Variants in BCAS3 observed in about 807,000 individuals in gnomAD.
The protein encoded by BCAS3 is BCAS4/BCAS3 fusion.
Under a neutral mutation model 116.1 loss-of-function variants are expected in BCAS3, and 53 were observed. The ratio of observed to expected loss-of-function variants is 0.46; its 90% CI spans 0.37 to 0.57. BCAS3 has a LOEUF of 0.57. Ranked by LOEUF, BCAS3 falls within the 20% of genes least tolerant of loss-of-function variation. The pLI is 0.00. For missense variants in BCAS3, 917 were observed against 1,165.4 expected, an observed-to-expected ratio of 0.79 and a Z score of 3.10; for synonymous variants, 391 against 408.2, an observed-to-expected ratio of 0.96 and a Z score of 0.51.
chr17:60,912,219 G>A (rs1489372472), intron 12 of BCAS3, among the ~76,000 whole-genome samples: 1 of 152,026 alleles, frequency 6.6e-6, no homozygotes, highest in African/African-American at 2.4e-5. Flanking sequence ...GAATGAGATA[G>A]GAGTAGGGCA....
At chr17:61,191,786 AAAAG>A (rs2080144229) in intron 22 of BCAS3, among the ~76,000 whole-genome samples, 2 of 142,222 alleles carry the variant, frequency 1.4e-5, no homozygotes, top group Admixed American at 6.8e-5. Context: ...AAAAAAAAAG[AAAAG>A]AAAAGAAAAG....
At chr17:61,242,853 A>AC (rs397725679) in intron 22 of BCAS3, among the ~76,000 whole-genome samples, 5 of 150,872 alleles carry the variant, frequency 3.3e-5, no homozygotes, top group African/African-American at 4.9e-5. Flanking sequence ...TTAAAAAAAA[A>AC]CAAAAAAACC....
chr17:61,122,760 C>G lies in BCAS3; in HGVS notation c.2425+38196C>G, dbSNP rs1239497973. Among the ~76,000 whole-genome samples, 1 of 152,070 alleles carries G rather than the reference C, an allele frequency of 6.6e-6. No individual in the cohort carries two copies. Among genetic ancestry groups the G allele is most frequent in the Non-Finnish European group, 1.5e-5 (1 of 68,008 alleles). ...AAAACCATCTCAGCAAAAATAAATT[C>G]AAGAATATGTATATATGATGTTCAT... On this transcript the variant is annotated intron_variant, in intron 22 of 23. Coordinates refer to ENST00000407086, the MANE Select transcript of BCAS3 (RefSeq NM_017679.5). This position sits in a 1 kb window ranked among gnomAD's most constrained non-coding sequence, Gnocchi z 4.6.
intron 13 of BCAS3, among the ~76,000 whole-genome samples, chr17:60,926,781 A>G (rs1429066037): frequency 2.0e-5 from 3 of 152,178 alleles, no homozygotes; most frequent in Admixed American, 2.0e-4. Context: ...TTTGCATTAT[A>G]AGAAGAACAT....
At chr17:61,116,165 G>C (rs866217168) in intron 22 of BCAS3, among the ~76,000 whole-genome samples, 1 of 151,606 alleles carries the variant, frequency 6.6e-6, no homozygotes, top group Admixed American at 6.6e-5. Flanking sequence ...TGGGTGCAGC[G>C]CACCAGCATG....
At chr17:61,360,267 A>G (rs1330310708) in intron 22 of BCAS3, among the ~76,000 whole-genome samples, 1 of 152,180 alleles carries the variant, frequency 6.6e-6, no homozygotes, top group African/African-American at 2.4e-5. Flanking sequence ...GGCCTCCCAA[A>G]GTGTTGGAAT....
In BCAS3 at chr17:61,392,748, G is replaced by GATCA. The variant is rs2060190034; in HGVS notation, c.*624_*627dup. The GATCA allele has an allele frequency of 6.6e-6, 1 of 152,348 alleles. No homozygotes were observed. Among genetic ancestry groups the GATCA allele is most frequent in the Non-Finnish European group, 1.5e-5 (1 of 68,180 alleles). The allele number at this position is 152,348 out of a possible 1,614,324, so 9.4% of individuals were successfully genotyped here. A position where few individuals can be genotyped will look rare whatever the true frequency, so the allele number is the denominator to read the frequency against. On this transcript the variant is annotated 3_prime_UTR_variant, in exon 24 of 24. Transcript: ENST00000407086. This position sits in a 1 kb window ranked among gnomAD's most constrained non-coding sequence, Gnocchi z 6.4. The stretch of plus-strand genomic sequence containing the variant: ...AGCCCCTTTACCCTGGTCCTGTACT[G>GATCA]ATCAGTGAAGGAAACCGTGGTTACT...
intron 14 of BCAS3, among the ~76,000 whole-genome samples, chr17:60,965,207 A>G (rs929575372): frequency 6.7e-6 from 1 of 149,788 alleles, no homozygotes; most frequent in African/African-American, 2.4e-5. Flanking sequence ...GCTATATCCC[A>G]TAGGTTTTGG....
chr17:61,371,021 C>T (rs1284951556), intron 23 of BCAS3, among the ~76,000 whole-genome samples: 1 of 152,204 alleles, frequency 6.6e-6, no homozygotes, highest in Non-Finnish European at 1.5e-5. Context: ...AAGTGTTTGC[C>T]TCTGATAGGT....
chr17:61,267,143 C>T (rs374867139), intron 22 of BCAS3, among the ~76,000 whole-genome samples: 7 of 152,122 alleles, frequency 4.6e-5, no homozygotes, highest in Middle Eastern at 3.4e-3. Flanking sequence ...CCGCAAGCTC[C>T]GCCTCCCGGG....
chr17:60,904,404 AAAACAAACAAAC>A (rs202152626), intron 11 of BCAS3, among the ~76,000 whole-genome samples: 18 of 151,662 alleles, frequency 1.2e-4, no homozygotes, highest in Admixed American at 1.0e-3. Context: ...ACTCTGTCTC[AAAACAAACAAAC>A]AAACAAACAA....
At position 61,377,502 on chromosome 17, in the gene BCAS3, T is replaced by C. The variant is rs377413348; in HGVS notation, c.2593+9008T>C. ...TATTGGGAAGAATGTGGTGTTTTTT[T>C]CCCCTTTTCGATGGGATTTGAAGCC... is the stretch of plus-strand genomic sequence containing the variant. On this transcript the variant is annotated intron_variant, in intron 23 of 23. Transcript: ENST00000407086. The surrounding 1 kb of genome is among the most constrained non-coding windows in gnomAD (Gnocchi z 4.6). Among the ~76,000 whole-genome samples the C allele has an allele frequency of 1.3e-5, 2 of 152,176 alleles. No individual in the cohort carries two copies. The highest frequency in any genetic ancestry group is 3.9e-4 in the East Asian group (2 of 5,182).
At chr17:61,386,867 C>T (rs188909648) in intron 23 of BCAS3, among the ~76,000 whole-genome samples, 1 of 150,116 alleles carries the variant, frequency 6.7e-6, no homozygotes, top group African/African-American at 2.5e-5. Flanking sequence ...CAGCCTGGAA[C>T]ACCTGGGCTC....
chr17:60,848,268 T>G (rs1409344282), intron 7 of BCAS3, among the ~76,000 whole-genome samples: 1 of 152,212 alleles, frequency 6.6e-6, no homozygotes, highest in Non-Finnish European at 1.5e-5. Flanking sequence ...TTTTGGCTGT[T>G]TGGTGCACCT....
rs774095213 is a variant in BCAS3, at chr17:61,037,859, A to C, written c.1763-30A>C. 1.5e-5 allele frequency: 24 copies of C among 1,602,006 alleles called. No homozygotes were observed. Among genetic ancestry groups the C allele is most frequent in the Non-Finnish European group, 2.0e-5 (24 of 1,171,048 alleles). On this transcript the variant is annotated intron_variant, in intron 17 of 23. Coordinates refer to ENST00000407086, the MANE Select transcript of BCAS3 (RefSeq NM_017679.5). This position sits in a 1 kb window ranked among gnomAD's most constrained non-coding sequence, Gnocchi z 4.7. The stretch of plus-strand genomic sequence containing the variant: ...TCTGTGCTCCATTTATGCCATCATA[A>C]CACATCGGGTTCTGTTTCTCTGTTT...
Position 61,141,297 on chromosome 17 carries a change from C to T in BCAS3, c.2425+56733C>T, listed in dbSNP as rs2076903463. Among the ~76,000 whole-genome samples, 1 of 152,106 alleles carries T rather than the reference C, an allele frequency of 6.6e-6. No homozygotes were observed. The highest frequency in any genetic ancestry group is 1.5e-5 in the Non-Finnish European group (1 of 68,034). On this transcript the variant is annotated intron_variant, in intron 22 of 23. Coordinates refer to ENST00000407086, the MANE Select transcript of BCAS3 (RefSeq NM_017679.5). This position sits in a 1 kb window ranked among gnomAD's most constrained non-coding sequence, Gnocchi z 4.3. ...ATTAGGCTGGGCATGGGGGTTCATT[C>T]CTGTAATCCCAGCATGTTGGGAGGC...
chr17:61,039,083 A>G (rs1282235903), intron 18 of BCAS3, among the ~76,000 whole-genome samples: 1 of 152,236 alleles, frequency 6.6e-6, no homozygotes. Context: ...CCTCATACTC[A>G]TTAGCAGTCA....
chr17:60,865,718 T>C (rs2054540046), intron 7 of BCAS3, among the ~76,000 whole-genome samples: 1 of 152,214 alleles, frequency 6.6e-6, no homozygotes, highest in Middle Eastern at 3.2e-3. Context: ...GATGGTTTTA[T>C]TTCTACCTTG....
Position 61,365,245 on chromosome 17 carries a change from A to G in BCAS3, c.2426-3082A>G, listed in dbSNP as rs2058665028. Among the ~76,000 whole-genome samples, 1 of 152,208 alleles carries G rather than the reference A, an allele frequency of 6.6e-6. No individual in the cohort carries two copies. The highest frequency in any genetic ancestry group is 2.4e-5 in the African/African-American group (1 of 41,450). On this transcript the variant is annotated intron_variant, in intron 22 of 23. Transcript: ENST00000407086. This position sits in a 1 kb window ranked among gnomAD's most constrained non-coding sequence, Gnocchi z 4.6. The stretch of plus-strand genomic sequence containing the variant: ...GTACTGTTACTTTATCCCTTAAAAT[A>G]TTACATATTCCTCTGGCCTTTACCA...
Sources: gnomAD v4.1 joint callset for allele counts (sites outside exome capture counted in the v4.1 genomes callset) on GRCh38, gnomAD v4.1.1 for gene constraint, Gnocchi (gnomAD v3.1) non-coding constraint, MANE v1.5 for transcripts, NCBI Gene and HGNC (gene_info 2026-07-23, HGNC 2026-07-21) for gene names.